The following RBFOX1 variants were observed in gnomAD, a reference collection of about 807,000 sequenced individuals.
RBFOX1 encodes RNA binding fox-1 homolog 1, also known as RNA binding protein fox-1 homolog 1.
A neutral mutation model predicts 57.7 loss-of-function variants in RBFOX1; 8 were observed. That is an observed-to-expected ratio of 0.14 (90% CI 0.08 to 0.25). The LOEUF (loss-of-function observed/expected upper bound fraction) is 0.25, where lower values mean the gene tolerates loss of function less well. Among genes scored for constraint, RBFOX1 ranks in the 10% least tolerant of loss-of-function variants. The pLI is 1.00. For synonymous variants in RBFOX1, 326 were observed against 222.4 expected (o/e 1.47, Z -4.15); for missense variants, 611 against 548.5 (o/e 1.11, Z -1.14).
chr16:6,839,023 C>T (rs559519246), intron 3 of RBFOX1, among the ~76,000 whole-genome samples: 42 of 151,636 alleles, frequency 2.8e-4, no homozygotes, highest in East Asian at 5.8e-4. Flanking sequence ...CTTGCTCTGT[C>T]GACGAGGCTG....
chr16:7,654,023 C>G, intron 12 of RBFOX1, 76 bp downstream of exon 12: 3 of 1,413,964 alleles, frequency 2.1e-6, no homozygotes, highest in Non-Finnish European at 2.8e-6. Flanking sequence ...TGTTTGCGAG[C>G]GCATGATGGT....
At chr16:7,047,753 A>AT (rs1039681521) in intron 3 of RBFOX1, among the ~76,000 whole-genome samples, 11 of 35,280 alleles carry the variant, frequency 3.1e-4, no homozygotes, top group African/African-American at 1.0e-3. Context: ...TTTGTCTTCA[A>AT]TTTTTTTTTC....
At chr16:6,466,362 G>A (rs56131601) in intron 2 of RBFOX1, among the ~76,000 whole-genome samples, 3,364 of 152,028 alleles carry the variant, frequency 0.022, 111 homozygotes, top group African/African-American at 0.068. Flanking sequence ...CAGTTATGGT[G>A]CGAGGTACTT....
chr16:5,443,761 T>G (rs1396022138), intron 1 of RBFOX1, among the ~76,000 whole-genome samples: 1 of 152,244 alleles, frequency 6.6e-6, no homozygotes, highest in African/African-American at 2.4e-5. Context: ...TCATTTATCT[T>G]AAGGATTATC....
At chr16:5,409,107 A>T (rs2066943436) in intron 1 of RBFOX1, among the ~76,000 whole-genome samples, 1 of 152,194 alleles carries the variant, frequency 6.6e-6, no homozygotes, top group Non-Finnish European at 1.5e-5. Context: ...TCTGCAGGGC[A>T]GGTCCCAGGC....
Position 6,731,277 on chromosome 16 carries a change from G to A in RBFOX1, c.-16+76627G>A, listed in dbSNP as rs1250843808. Among the ~76,000 whole-genome samples the A allele has an allele frequency of 1.3e-5, 2 of 152,134 alleles. 1 individual carries two copies. Among genetic ancestry groups the A allele is most frequent in the Non-Finnish European group, 2.9e-5 (2 of 68,018 alleles). On this transcript the variant is annotated intron_variant, in intron 3 of 15. Coordinates refer to ENST00000550418, the MANE Select transcript of RBFOX1 (RefSeq NM_018723.4). ...AAGATGAGGTGGGAAGTAGAGTTCTGCACAACTAAAAAGGACACAAAAATA... is the reference window on the plus strand; with the variant it reads ...AAGATGAGGTGGGAAGTAGAGTTCTACACAACTAAAAAGGACACAAAAATA...
intron 2 of RBFOX1, among the ~76,000 whole-genome samples, chr16:6,500,352 G>C (rs921676747): frequency 3.3e-5 from 5 of 152,062 alleles, no homozygotes; most frequent in South Asian, 2.1e-4. Flanking sequence ...ATGCACGTGT[G>C]CACATACACA....
chr16:6,886,651 A>G (rs1009091182), intron 3 of RBFOX1, among the ~76,000 whole-genome samples: 7 of 152,008 alleles, frequency 4.6e-5, no homozygotes. Flanking sequence ...GCTGCTCAGG[A>G]GGCTGAGGCA....
At chr16:7,483,026 C>T (rs2064409494) in intron 4 of RBFOX1, among the ~76,000 whole-genome samples, 1 of 152,188 alleles carries the variant, frequency 6.6e-6, no homozygotes, top group African/African-American at 2.4e-5. Flanking sequence ...ACCTGGGCCC[C>T]TCAGCCTGGA....
At chr16:6,972,651 A>T (rs1168929276) in intron 3 of RBFOX1, among the ~76,000 whole-genome samples, 2 of 152,074 alleles carry the variant, frequency 1.3e-5, no homozygotes, top group African/African-American at 4.8e-5. Context: ...TTCAAGAGCA[A>T]ATGCTTTGGG....
At chr16:6,470,508 C>A (rs867717476) in intron 2 of RBFOX1, among the ~76,000 whole-genome samples, 18 of 152,174 alleles carry the variant, frequency 1.2e-4, no homozygotes, top group African/African-American at 4.3e-4. Context: ...TCTTTCTATT[C>A]TTCCAAGATG....
chr16:6,460,841 A>AAAAAAGG (rs2094901764), intron 2 of RBFOX1, among the ~76,000 whole-genome samples: 2 of 151,538 alleles, frequency 1.3e-5, no homozygotes, highest in East Asian at 1.9e-4. Flanking sequence ...AAAAAAAAAA[A>AAAAAAGG]GTGGAATCAA....
At chr16:7,124,484 C>A (rs1567350943) in intron 4 of RBFOX1, among the ~76,000 whole-genome samples, 1 of 149,784 alleles carries the variant, frequency 6.7e-6, no homozygotes, top group Non-Finnish European at 1.5e-5. Context: ...AACCAACCAT[C>A]CTCCCTCCCT....
intron 4 of RBFOX1, among the ~76,000 whole-genome samples, chr16:7,232,420 A>G (rs2093553338): frequency 6.6e-6 from 1 of 152,190 alleles, no homozygotes; most frequent in Non-Finnish European, 1.5e-5. Flanking sequence ...ACAAGTGAAT[A>G]TTTATAGGGG....
intron 3 of RBFOX1, among the ~76,000 whole-genome samples, chr16:5,718,404 T>G (rs1427726036): frequency 6.6e-6 from 1 of 152,194 alleles, no homozygotes; most frequent in Admixed American, 6.5e-5. Flanking sequence ...GAGGGCTGAG[T>G]TAAGCCACTG....
At chr16:7,078,567 C>T (rs12928386) in intron 4 of RBFOX1, among the ~76,000 whole-genome samples, 42 of 151,956 alleles carry the variant, frequency 2.8e-4, no homozygotes, top group Admixed American at 2.6e-3. Context: ...AGGCTGGTCT[C>T]GAAACCCTGG....
chr16:7,055,969 C>G (rs1345569295), intron 4 of RBFOX1, among the ~76,000 whole-genome samples: 1 of 152,192 alleles, frequency 6.6e-6, no homozygotes, highest in Non-Finnish European at 1.5e-5. Flanking sequence ...TTGAATCTCA[C>G]AGGTCACATC....
intron 4 of RBFOX1, among the ~76,000 whole-genome samples, chr16:7,236,335 T>C (rs1337672477): frequency 1.3e-5 from 2 of 152,184 alleles, no homozygotes; most frequent in East Asian, 1.9e-4. Context: ...AAGGAGATCA[T>C]GTATGCAAAA....
intron 2 of RBFOX1, among the ~76,000 whole-genome samples, chr16:6,611,222 C>G (rs754738679): frequency 2.8e-4 from 43 of 152,174 alleles, no homozygotes; most frequent in Non-Finnish European, 5.3e-4. Flanking sequence ...TCTAGGATCA[C>G]TGCAACCTCC....
Sources: gnomAD v4.1 joint callset for allele counts (sites outside exome capture counted in the v4.1 genomes callset) on GRCh38, gnomAD v4.1.1 for gene constraint, MANE v1.5 for transcripts, NCBI Gene and HGNC (gene_info 2026-07-23, HGNC 2026-07-21) for gene names.